Variants in FRMD4A observed in about 807,000 individuals in gnomAD.
FRMD4A encodes FERM domain containing 4A.
Under a neutral mutation model 129.1 loss-of-function variants are expected in FRMD4A, and 29 were observed. That is an observed-to-expected ratio of 0.22 (90% CI 0.17 to 0.31). The LOEUF is 0.31. Ranked by LOEUF, FRMD4A falls within the 10% of genes least tolerant of loss-of-function variation. The pLI, the probability that FRMD4A is intolerant of heterozygous loss-of-function variation, is 1.00. For missense variants in FRMD4A, 1,272 were observed against 1,375.8 expected, an observed-to-expected ratio of 0.92 and a Z score of 1.19; for synonymous variants, 634 against 571.6, an observed-to-expected ratio of 1.11 and a Z score of -1.56.
intron 2 of FRMD4A, among the ~76,000 whole-genome samples, chr10:14,282,002 G>T (rs1230561983): frequency 6.6e-6 from 1 of 152,276 alleles, no homozygotes; most frequent in South Asian, 2.1e-4. Flanking sequence ...GGCGGGGGAG[G>T]CCTCACAATC....
At chr10:14,026,632 A>T (rs1432557506) in intron 2 of FRMD4A, among the ~76,000 whole-genome samples, 1 of 152,226 alleles carries the variant, frequency 6.6e-6, no homozygotes, top group Non-Finnish European at 1.5e-5. Context: ...ACTGAGCTAC[A>T]GACCTTCCTA....
chr10:13,868,935 G>A (rs1172158124), intron 2 of FRMD4A, among the ~76,000 whole-genome samples: 3 of 152,194 alleles, frequency 2.0e-5, no homozygotes, highest in Non-Finnish European at 2.9e-5. Context: ...CAATATTGAT[G>A]TAATAGAAAA....
intron 6 of FRMD4A, among the ~76,000 whole-genome samples, chr10:13,762,966 G>A (rs1466264749): frequency 6.6e-6 from 1 of 152,112 alleles, no homozygotes; most frequent in Non-Finnish European, 1.5e-5. Context: ...TGGGGTGAGT[G>A]AGACCCTGGC....
At chr10:13,882,049 A>G (rs949382435) in intron 2 of FRMD4A, among the ~76,000 whole-genome samples, 4 of 140,738 alleles carry the variant, frequency 2.8e-5, no homozygotes, top group East Asian at 4.0e-4. Context: ...GATGGTTAAC[A>G]TAAGAAAAGA....
chr10:13,977,452 G>A (rs1347381704), intron 2 of FRMD4A, among the ~76,000 whole-genome samples: 3 of 152,128 alleles, frequency 2.0e-5, no homozygotes, highest in Non-Finnish European at 4.4e-5. Flanking sequence ...AATGAAGGTG[G>A]CCTATCACTC....
intron 21 of FRMD4A, 31 bp from the exon 22 acceptor site, chr10:13,657,553 G>T: frequency 6.5e-7 from 1 of 1,533,010 alleles, no homozygotes. Context: ...TTGGTCTGGG[G>T]GTGGGGAGTG....
intron 2 of FRMD4A, among the ~76,000 whole-genome samples, chr10:14,241,125 T>TGAGCTGGTTTAATGAGCATGAAGCA (rs1844028175): frequency 1.3e-5 from 2 of 152,226 alleles, no homozygotes; most frequent in African/African-American, 4.8e-5. Flanking sequence ...GCATTGAATA[T>TGAGCTGGTTTAATGAGCATGAAGCA]CTTCCATCAA....
intron 2 of FRMD4A, among the ~76,000 whole-genome samples, chr10:14,098,323 A>G (rs1324822929): frequency 6.6e-6 from 1 of 150,974 alleles, no homozygotes. Flanking sequence ...ATTCTCTCCA[A>G]TATTCTCAAC....
At chr10:14,035,368 C>T (rs1472448553) in intron 2 of FRMD4A, among the ~76,000 whole-genome samples, 3 of 150,490 alleles carry the variant, frequency 2.0e-5, no homozygotes, top group African/African-American at 4.9e-5. Flanking sequence ...GCCAAGATCA[C>T]GCCATTACAC....
At chr10:13,947,982 A>G (rs1183778326) in intron 2 of FRMD4A, among the ~76,000 whole-genome samples, 2 of 152,016 alleles carry the variant, frequency 1.3e-5, no homozygotes, top group East Asian at 3.9e-4. Context: ...AGATCGCTTG[A>G]GGCCAGGGAT....
intron 3 of FRMD4A, among the ~76,000 whole-genome samples, chr10:13,813,682 C>G (rs1440589809): frequency 6.6e-6 from 1 of 152,186 alleles, no homozygotes; most frequent in Admixed American, 6.5e-5. Context: ...TTGAATGGCT[C>G]ATGTACTTTA....
At chr10:13,796,091 C>A (rs1588764823) in intron 5 of FRMD4A, among the ~76,000 whole-genome samples, 1 of 152,118 alleles carries the variant, frequency 6.6e-6, no homozygotes, top group African/African-American at 2.4e-5. Context: ...CCAGGTTTCA[C>A]GAGATTCAAG....
intron 2 of FRMD4A, among the ~76,000 whole-genome samples, chr10:14,284,414 C>T (rs1044884532): frequency 8.6e-5 from 13 of 152,020 alleles, no homozygotes; most frequent in African/African-American, 2.7e-4. Context: ...TTTGGGAGGC[C>T]GAGGCGGATG....
rs147105931 is a variant in FRMD4A, at chr10:13,737,262, G to C, written c.759+582C>G. Among the ~76,000 whole-genome samples, 119 of 152,254 alleles carry C rather than the reference G, an allele frequency of 7.8e-4. No homozygotes were observed. In the East Asian group the frequency reaches 0.016, roughly 21 times the overall value. ...GCACCACCATGCCCAGCTAATTTTT[G>C]TATTTTTAGTAGAGAGAGGGTTCTA... On this transcript the variant is annotated intron_variant, in intron 12 of 24. Coordinates refer to ENST00000357447, the MANE Select transcript of FRMD4A (RefSeq NM_018027.5).
intron 2 of FRMD4A, among the ~76,000 whole-genome samples, chr10:14,078,400 G>A (rs1835734197): frequency 6.6e-6 from 1 of 152,212 alleles, no homozygotes; most frequent in South Asian, 2.1e-4. Context: ...CTTCCGACTT[G>A]TGTCAAATCT....
At chr10:14,175,503 G>A (rs980313748) in intron 2 of FRMD4A, among the ~76,000 whole-genome samples, 9 of 146,190 alleles carry the variant, frequency 6.2e-5, no homozygotes, top group Non-Finnish European at 1.0e-4. Context: ...CACCTCCTTC[G>A]TAGTCTCCAG....
At position 14,089,588 on chromosome 10, in the gene FRMD4A, T is replaced by C. The variant is rs141870297; in HGVS notation, c.46-230676A>G. Among the ~76,000 whole-genome samples the C allele has an allele frequency of 3.6e-4, 51 of 141,264 alleles. No individual in the cohort carries two copies. In the East Asian group the frequency reaches 9.7e-3, roughly 27 times the overall value. The allele number at this position is 141,264 out of a possible 152,430, so 92.7% of individuals were successfully genotyped here. A position where few individuals can be genotyped will look rare whatever the true frequency, so the allele number is the denominator to read the frequency against. On this transcript the variant is annotated intron_variant, in intron 2 of 24. Coordinates refer to ENST00000357447, the MANE Select transcript of FRMD4A (RefSeq NM_018027.5). ...CTTGGCCCTGAAACACCTTATTTAT[T>C]GTGGATTGAAAAAAGTTCACCTTTT... is the stretch of plus-strand genomic sequence containing the variant.
chr10:14,131,349 C>A (rs1464028710), intron 2 of FRMD4A, among the ~76,000 whole-genome samples: 1 of 152,024 alleles, frequency 6.6e-6, no homozygotes, highest in Admixed American at 6.6e-5. Flanking sequence ...AGAGTAGAAG[C>A]AAAGCCAACC....
intron 2 of FRMD4A, among the ~76,000 whole-genome samples, chr10:13,863,027 G>C (rs1023517337): frequency 6.6e-6 from 1 of 150,872 alleles, no homozygotes; most frequent in Non-Finnish European, 1.5e-5. Flanking sequence ...ATCCTTTAGA[G>C]AACAAGGCTT....
Sources: gnomAD v4.1 joint callset for allele counts (sites outside exome capture counted in the v4.1 genomes callset) on GRCh38, gnomAD v4.1.1 for gene constraint, MANE v1.5 for transcripts, NCBI Gene and HGNC (gene_info 2026-07-23, HGNC 2026-07-21) for gene names.